Variants in PLCB1 observed in about 807,000 individuals in gnomAD.
The protein encoded by PLCB1 is phospholipase C beta 1.
PLCB1 carries 46 observed loss-of-function variants against 161.8 expected under a neutral mutation model. The ratio of observed to expected loss-of-function variants is 0.28; its 90% confidence interval spans 0.22 to 0.36. The LOEUF (loss-of-function observed/expected upper bound fraction) is 0.36. Among genes scored for constraint, PLCB1 ranks in the 10% least tolerant of loss-of-function variants. The pLI is 1.00. For synonymous variants in PLCB1, 517 were observed against 503.7 expected (o/e 1.03, Z -0.35); for missense variants, 1,016 against 1,472.5 (o/e 0.69, Z 5.07).
chr20:8,266,884 C>T (rs1281948184), intron 2 of PLCB1, among the ~76,000 whole-genome samples: 1 of 151,992 alleles, frequency 6.6e-6, no homozygotes, highest in East Asian at 1.9e-4. Context: ...ACTAAAAATA[C>T]AAAAATTAGC....
At chr20:8,627,211 G>C (rs1329609288) in intron 3 of PLCB1, among the ~76,000 whole-genome samples, 2 of 152,282 alleles carry the variant, frequency 1.3e-5, no homozygotes, top group East Asian at 3.9e-4. Context: ...ACTAAAGAGA[G>C]AATTAATGGC....
At chr20:8,389,057 G>A (rs1158215498) in intron 3 of PLCB1, among the ~76,000 whole-genome samples, 2 of 152,168 alleles carry the variant, frequency 1.3e-5, no homozygotes, top group African/African-American at 4.8e-5. Flanking sequence ...CACAAGATAA[G>A]ATTTTTAAAG....
At chr20:8,210,046 CG>C (rs765699762) in intron 2 of PLCB1, among the ~76,000 whole-genome samples, 32 of 151,940 alleles carry the variant, frequency 2.1e-4, no homozygotes, top group South Asian at 6.2e-4. Context: ...TTATGTTGTC[CG>C]GGCTTGTCTT....
chr20:8,315,072 C>G (rs1203835543), intron 2 of PLCB1, among the ~76,000 whole-genome samples: 1 of 152,122 alleles, frequency 6.6e-6, no homozygotes, highest in Non-Finnish European at 1.5e-5. Context: ...TGGGGGAGAG[C>G]AAGGCAAGCT....
intron 3 of PLCB1, among the ~76,000 whole-genome samples, chr20:8,497,399 G>A (rs1457135051): frequency 2.0e-5 from 3 of 152,102 alleles, no homozygotes; most frequent in Admixed American, 6.5e-5. Context: ...ATTAATTTTG[G>A]AAAGTAACTC....
intron 2 of PLCB1, among the ~76,000 whole-genome samples, chr20:8,200,562 G>A (rs1398872304): frequency 6.6e-6 from 1 of 151,872 alleles, no homozygotes; most frequent in Non-Finnish European, 1.5e-5. Context: ...CTTGTGTATA[G>A]GAATGCTATT....
At chr20:8,864,083 T>C (rs1472515035) in intron 31 of PLCB1, among the ~76,000 whole-genome samples, 1 of 152,224 alleles carries the variant, frequency 6.6e-6, no homozygotes, top group Non-Finnish European at 1.5e-5. Context: ...ATTTCAGTTT[T>C]CAAAAAACAA....
intron 24 of PLCB1, among the ~76,000 whole-genome samples, chr20:8,758,657 TAAAG>T (rs1022641643): frequency 7.9e-5 from 12 of 152,134 alleles, no homozygotes; most frequent in African/African-American, 2.9e-4. Flanking sequence ...AATTTTCAAA[TAAAG>T]AGTTTTATAT....
At chr20:8,751,873 A>T (rs1463379524) in intron 23 of PLCB1, 2 of 152,200 alleles carry the variant, frequency 1.3e-5, no homozygotes, top group Non-Finnish European at 2.9e-5. Context: ...ATTCACTCAT[A>T]AAAACAAATA....
chr20:8,171,517 GCT>G lies in PLCB1; in HGVS notation c.177+21149_177+21150del, dbSNP rs893010660. ...CCCATCTGCCTGGGTTTGAATCCCAGCTCTATCCCTTGTGAGCTGTGTGATTT... is the reference window on the plus strand; with the variant it reads ...CCCATCTGCCTGGGTTTGAATCCCAGCTATCCCTTGTGAGCTGTGTGATTT... On this transcript the variant is annotated intron_variant, in intron 2 of 31. Coordinates refer to ENST00000338037, the MANE Select transcript of PLCB1 (RefSeq NM_015192.4). 2.6e-5 allele frequency among the ~76,000 whole-genome samples: 4 copies of G among 152,038 alleles called. No homozygotes were observed. The East Asian group carries it at 7.7e-4, about 29-fold the overall frequency.
intron 3 of PLCB1, among the ~76,000 whole-genome samples, chr20:8,451,847 A>C (rs1054269336): frequency 7.5e-6 from 1 of 133,826 alleles, no homozygotes; most frequent in African/African-American, 2.8e-5. Context: ...TCTTTCTTCC[A>C]TCTCCCTCTT....
chr20:8,146,652 C>T (rs1282263784), intron 1 of PLCB1, among the ~76,000 whole-genome samples: 1 of 152,102 alleles, frequency 6.6e-6, no homozygotes, highest in African/African-American at 2.4e-5. Context: ...ATTCCAGTGA[C>T]TCTTTTTTTT....
At chr20:8,160,054 C>T (rs941397805) in intron 2 of PLCB1, among the ~76,000 whole-genome samples, 1 of 151,498 alleles carries the variant, frequency 6.6e-6, no homozygotes, top group Non-Finnish European at 1.5e-5. Context: ...TCATCTCTCT[C>T]TAGTTCAAAG....
intron 3 of PLCB1, among the ~76,000 whole-genome samples, chr20:8,398,106 T>G (rs999321978): frequency 6.6e-6 from 1 of 152,142 alleles, no homozygotes; most frequent in Non-Finnish European, 1.5e-5. Context: ...GTTAAGCTTG[T>G]TATTTTTGCC....
intron 23 of PLCB1, among the ~76,000 whole-genome samples, chr20:8,753,047 T>C (rs1321787831): frequency 6.6e-6 from 1 of 152,074 alleles, no homozygotes; most frequent in Non-Finnish European, 1.5e-5. Context: ...CATAGGACTG[T>C]GAACCCTATT....
chr20:8,811,504 G>T (rs533907518), intron 31 of PLCB1, among the ~76,000 whole-genome samples: 1 of 152,308 alleles, frequency 6.6e-6, no homozygotes, highest in East Asian at 1.9e-4. Context: ...CAACCCCATT[G>T]CCAAGGAAGA....
intron 2 of PLCB1, among the ~76,000 whole-genome samples, chr20:8,162,538 A>T (rs1048723149): frequency 6.6e-6 from 1 of 152,206 alleles, no homozygotes; most frequent in Admixed American, 6.5e-5. Context: ...TCACCTCTAC[A>T]TGATACATTT....
intron 31 of PLCB1, 137 bp from the exon 32 acceptor site, chr20:8,881,485 A>G (rs1311302675): frequency 5.7e-6 from 4 of 703,314 alleles, no homozygotes; most frequent in African/African-American, 3.6e-5. Context: ...CATCTCCTCT[A>G]TAGGTGACCA....
At chr20:8,382,740 G>A (rs1241444514) in intron 3 of PLCB1, among the ~76,000 whole-genome samples, 1 of 151,768 alleles carries the variant, frequency 6.6e-6, no homozygotes, top group Non-Finnish European at 1.5e-5. Flanking sequence ...GTAGAGACGG[G>A]GTTTCACCAT....
Sources: allele counts gnomAD v4.1 joint callset (sites outside exome capture counted in the v4.1 genomes callset), GRCh38; gene constraint gnomAD v4.1.1; transcripts MANE v1.5; gene names NCBI Gene and HGNC (gene_info 2026-07-23, HGNC 2026-07-21).